The following XRCC4 variants were observed in gnomAD, a reference collection of about 807,000 sequenced individuals.
The protein encoded by XRCC4 is DNA repair protein XRCC4.
XRCC4 carries 28 observed loss-of-function variants against 39.1 expected under a neutral mutation model. The observed-to-expected ratio is 0.72, with a 90% CI of 0.53 to 0.98. The LOEUF is 0.98. Among genes scored for constraint, XRCC4 ranks in the 50% least tolerant of loss-of-function variants. The pLI, the probability that XRCC4 is intolerant of heterozygous loss-of-function variation, is 0.00. For missense variants in XRCC4, 350 were observed against 376.4 expected, an observed-to-expected ratio of 0.93 and a Z score of 0.58; for synonymous variants, 123 against 126.4, an observed-to-expected ratio of 0.97 and a Z score of 0.18.
At chr5:83,168,243 A>G (rs989051409) in intron 3 of XRCC4, among the ~76,000 whole-genome samples, 2 of 152,136 alleles carry the variant, frequency 1.3e-5, no homozygotes, top group Non-Finnish European at 2.9e-5. Context: ...TATAAGTAAG[A>G]TAATTTTATT....
chr5:83,371,565 G>A, the XRCC4 span, among the ~76,000 whole-genome samples: 12 of 152,300 alleles, frequency 7.9e-5, no homozygotes, highest in African/African-American at 2.9e-4. Flanking sequence ...TGAGGATGAA[G>A]TGAACTGTGG....
At chr5:83,330,594 T>C (rs1175115251) in intron 7 of XRCC4, among the ~76,000 whole-genome samples, 4 of 151,900 alleles carry the variant, frequency 2.6e-5, no homozygotes, top group South Asian at 4.1e-4. Context: ...GTTATACTTA[T>C]GTGGAGAGGC....
At chr5:83,117,912 C>T (rs1052371516) in intron 3 of XRCC4, among the ~76,000 whole-genome samples, 3 of 151,800 alleles carry the variant, frequency 2.0e-5, no homozygotes, top group Non-Finnish European at 2.9e-5. Flanking sequence ...ACCCCCTGAC[C>T]AGCCCCAGTA....
chr5:83,200,861 G>C (rs1252070904), intron 4 of XRCC4, among the ~76,000 whole-genome samples: 2 of 151,992 alleles, frequency 1.3e-5, no homozygotes, highest in African/African-American at 4.8e-5. Context: ...AAATATTATA[G>C]GAAGATAAGA....
At chr5:83,155,445 C>T (rs774795213) in intron 3 of XRCC4, among the ~76,000 whole-genome samples, 9 of 152,148 alleles carry the variant, frequency 5.9e-5, no homozygotes, top group Non-Finnish European at 1.3e-4. Flanking sequence ...TATGTGCAGG[C>T]ATTGATTTTA....
intron 6 of XRCC4, among the ~76,000 whole-genome samples, chr5:83,252,731 A>T (rs1174574752): frequency 6.6e-6 from 1 of 152,174 alleles, no homozygotes; most frequent in Non-Finnish European, 1.5e-5. Flanking sequence ...TACCCAAGGT[A>T]AATGCAGAAC....
chr5:83,180,216 A>C (rs896344792), intron 3 of XRCC4, among the ~76,000 whole-genome samples: 2 of 152,160 alleles, frequency 1.3e-5, no homozygotes, highest in African/African-American at 4.8e-5. Flanking sequence ...GAAGGATTTC[A>C]TGGAATCTGG....
intron 3 of XRCC4, among the ~76,000 whole-genome samples, chr5:83,195,220 T>C (rs1750889485): frequency 6.6e-6 from 1 of 152,070 alleles, no homozygotes; most frequent in Admixed American, 6.5e-5. Context: ...TACTAAAGCT[T>C]GACACTTAAC....
chr5:83,216,631 A>T (rs1211147947), intron 6 of XRCC4, among the ~76,000 whole-genome samples: 2 of 152,218 alleles, frequency 1.3e-5, no homozygotes, highest in Non-Finnish European at 2.9e-5. Context: ...TTATTTGGCA[A>T]TATAAAGGAG....
rs375480555 is a variant in XRCC4, at chr5:83,111,013, T to C, written c.140-15T>C. 3.4e-4 allele frequency: 547 copies of C among 1,596,414 alleles called. No individual in the cohort carries two copies. The highest frequency in any genetic ancestry group is 5.0e-4 in the Middle Eastern group (3 of 6,020). ...TTACTTTTCATTTTAAAACTTTTGTTAATATTTCCCATAGTTTCTGAATCA... is the reference window on the plus strand; with the variant it reads ...TTACTTTTCATTTTAAAACTTTTGTCAATATTTCCCATAGTTTCTGAATCA... On this transcript the variant is annotated splice_polypyrimidine_tract_variant and intron_variant, in intron 2 of 7. Transcript: ENST00000396027.
intron 3 of XRCC4, among the ~76,000 whole-genome samples, chr5:83,129,186 C>T (rs2112472016): frequency 6.9e-6 from 1 of 144,144 alleles, no homozygotes; most frequent in Admixed American, 6.8e-5. Flanking sequence ...TTTCAGCTTT[C>T]TACATATGGC....
intron 6 of XRCC4, among the ~76,000 whole-genome samples, chr5:83,253,738 C>A (rs1464888569): frequency 1.3e-5 from 2 of 152,088 alleles, no homozygotes; most frequent in African/African-American, 4.8e-5. Context: ...TTAAAGATTT[C>A]TTGGTCAGAG....
intron 7 of XRCC4, among the ~76,000 whole-genome samples, chr5:83,318,156 G>T (rs375374190): frequency 2.8e-5 from 4 of 144,704 alleles, no homozygotes; most frequent in African/African-American, 1.1e-4. Flanking sequence ...ATTCAACAAC[G>T]CTTCATGCTA....
chr5:83,077,579 G>C lies in XRCC4; in HGVS notation c.-47G>C. ...GCAAAACCTTGATCTGTGAAAGCGGGCGTTTTGGAAGATACCGGAAGTAGA... is the reference window on the plus strand; with the variant it reads ...GCAAAACCTTGATCTGTGAAAGCGGCCGTTTTGGAAGATACCGGAAGTAGA... On this transcript the variant is annotated 5_prime_UTR_variant, in exon 1 of 8. Coordinates refer to ENST00000396027, the MANE Select transcript of XRCC4 (RefSeq NM_003401.5). 3.8e-6 allele frequency: 2 copies of C among 525,974 alleles called. No homozygotes were observed. The highest frequency in any genetic ancestry group is 6.9e-6 in the Non-Finnish European group (2 of 290,848). 32.6% of individuals were successfully genotyped at this position (525,974 alleles called of 1,614,324 possible). A position where few individuals can be genotyped will look rare whatever the true frequency, so the allele number is the denominator to read the frequency against.
intron 7 of XRCC4, among the ~76,000 whole-genome samples, chr5:83,312,044 GCCA>G (rs1755726801): frequency 6.6e-6 from 1 of 152,092 alleles, no homozygotes; most frequent in South Asian, 2.1e-4. Flanking sequence ...CATATATTCT[GCCA>G]CCACCTCTAC....
chr5:83,218,648 G>A (rs1751965820), intron 6 of XRCC4, among the ~76,000 whole-genome samples: 1 of 151,934 alleles, frequency 6.6e-6, no homozygotes, highest in South Asian at 2.1e-4. Flanking sequence ...TGTTGTAAAT[G>A]GTAAAAACAT....
chr5:83,309,465 C>G (rs1298552113), intron 7 of XRCC4, among the ~76,000 whole-genome samples: 1 of 150,246 alleles, frequency 6.7e-6, no homozygotes, highest in Non-Finnish European at 1.5e-5. Context: ...TGTGGGTCTT[C>G]TAGAAAATGG....
At chr5:83,222,486 T>C (rs1052108375) in intron 6 of XRCC4, among the ~76,000 whole-genome samples, 1 of 152,196 alleles carries the variant, frequency 6.6e-6, no homozygotes, top group Non-Finnish European at 1.5e-5. Flanking sequence ...CACATCTTTA[T>C]CTTTTACCTT....
At chr5:83,294,028 G>T (rs1267552424) in intron 7 of XRCC4, among the ~76,000 whole-genome samples, 5 of 151,748 alleles carry the variant, frequency 3.3e-5, no homozygotes, top group Non-Finnish European at 7.4e-5. Context: ...AATGTTCAAG[G>T]ATGTTTGACT....
Sources: gnomAD v4.1 joint callset for allele counts (sites outside exome capture counted in the v4.1 genomes callset) on GRCh38, gnomAD v4.1.1 for gene constraint, MANE v1.5 for transcripts, NCBI Gene and HGNC (gene_info 2026-07-23, HGNC 2026-07-21) for gene names.